Variants in TBC1D4 observed in about 807,000 individuals in gnomAD.
TBC1D4 encodes the protein TBC (Tre-2, BUB2, CDC16) domain-containing protein.
Under a neutral mutation model 142.5 loss-of-function variants are expected in TBC1D4, and 121 were observed. The ratio of observed to expected loss-of-function variants is 0.85; its 90% CI spans 0.73 to 0.99. The LOEUF (loss-of-function observed/expected upper bound fraction) is 0.99, where lower values mean the gene tolerates loss of function less well. Among genes scored for constraint, TBC1D4 ranks in the 50% least tolerant of loss-of-function variants. The pLI is 0.00. For synonymous variants in TBC1D4, 630 were observed against 628.2 expected (o/e 1.00, Z -0.04); for missense variants, 1,475 against 1,606.6 (o/e 0.92, Z 1.40).
chr13:75,481,638 A>G lies in TBC1D4; in HGVS notation c.130T>C (p.Ser44Pro). ...KRFRLWYVGGSCLDHRTTLPM... is the reference protein window; with the variant it reads ...KRFRLWYVGGPCLDHRTTLPM... The stretch of plus-strand genomic sequence containing the variant: ...AGCGTGGTCCTGTGGTCCAGGCACG[A>G]CCCCCCAACGTACCACAGCCGGAAC... Residue 44 changes from serine (S) to proline (P), a missense_variant, in exon 1 of 21, where the codon TCG becomes CCG. Transcript: ENST00000377636. 6.3e-7 allele frequency: 1 copy of G among 1,591,796 alleles called. No homozygotes were observed. Among genetic ancestry groups the G allele is most frequent in the Non-Finnish European group, 8.6e-7 (1 of 1,169,440 alleles).
chr13:75,360,152 C>T (rs945858941), intron 2 of TBC1D4, among the ~76,000 whole-genome samples: 2 of 152,074 alleles, frequency 1.3e-5, no homozygotes, highest in African/African-American at 2.4e-5. Flanking sequence ...AATATGCAAA[C>T]TTTCCTCACT....
At chr13:75,470,728 G>A (rs1163167579) in intron 1 of TBC1D4, among the ~76,000 whole-genome samples, 3 of 152,204 alleles carry the variant, frequency 2.0e-5, no homozygotes, top group South Asian at 4.1e-4. Context: ...ATGGTGGCCT[G>A]TAATCCCAGC....
intron 1 of TBC1D4, among the ~76,000 whole-genome samples, chr13:75,383,816 A>G (rs1884006852): frequency 6.6e-6 from 1 of 152,162 alleles, no homozygotes; most frequent in Admixed American, 6.5e-5. Flanking sequence ...TACTGTATAT[A>G]ACTGGTCTTC....
At chr13:75,451,873 A>C (rs971100254) in intron 1 of TBC1D4, among the ~76,000 whole-genome samples, 14 of 151,816 alleles carry the variant, frequency 9.2e-5, no homozygotes, top group African/African-American at 3.4e-4. Context: ...AAAAACTGAT[A>C]ATTGTTTTGA....
chr13:75,299,893 C>T (rs1440485935), intron 16 of TBC1D4, among the ~76,000 whole-genome samples: 1 of 147,336 alleles, frequency 6.8e-6, no homozygotes, highest in East Asian at 2.0e-4. Flanking sequence ...GGAGAAATAC[C>T]AGGAAAATGG....
intron 4 of TBC1D4, among the ~76,000 whole-genome samples, chr13:75,354,903 T>C (rs1291825560): frequency 6.6e-6 from 1 of 152,162 alleles, no homozygotes; most frequent in South Asian, 2.1e-4. Flanking sequence ...ATGCAACCCA[T>C]TTAGCAACAG....
intron 1 of TBC1D4, among the ~76,000 whole-genome samples, chr13:75,395,356 G>C (rs546975975): frequency 2.0e-5 from 3 of 152,166 alleles, no homozygotes; most frequent in Non-Finnish European, 4.4e-5. Context: ...CCCTTTTCGC[G>C]AATGTTTTTT....
chr13:75,409,693 T>C (rs78760613), intron 1 of TBC1D4, among the ~76,000 whole-genome samples: 3,373 of 152,338 alleles, frequency 0.022, 54 homozygotes, highest in Middle Eastern at 0.031. Context: ...CAAATCTCTT[T>C]AATGAATTTA....
intron 1 of TBC1D4, among the ~76,000 whole-genome samples, chr13:75,468,662 A>G (rs1440556394): frequency 6.6e-6 from 1 of 152,240 alleles, no homozygotes; most frequent in Non-Finnish European, 1.5e-5. Context: ...AACAAAAAAT[A>G]TCGTGCAAAC....
At chr13:75,385,895 CA>C (rs888909121) in intron 1 of TBC1D4, among the ~76,000 whole-genome samples, 1 of 152,120 alleles carries the variant, frequency 6.6e-6, no homozygotes, top group East Asian at 1.9e-4. Context: ...ATGATAACAT[CA>C]AAGACTATGA....
rs766234931 is a variant in TBC1D4 at position 75,349,333 on chromosome 13, A to G, written c.1276-31T>C. Reference sequence around the variant, plus strand: ...GGAAGAAACAAAACTCAGGTCTATAAAAGTTGGCTTACATGGCAACATTCA... The same window carrying G: ...GGAAGAAACAAAACTCAGGTCTATAGAAGTTGGCTTACATGGCAACATTCA... On this transcript the variant is annotated intron_variant, in intron 4 of 20. Coordinates refer to ENST00000377636, the MANE Select transcript of TBC1D4 (RefSeq NM_014832.5). 3.1e-6 allele frequency: 5 copies of G among 1,612,800 alleles called. No individual in the cohort carries two copies. The East Asian group carries it at 1.1e-4, about 36-fold the overall frequency.
rs1440786499 is a variant in TBC1D4 at position 75,428,138 on chromosome 13, G to A, written c.498+53132C>T. On this transcript the variant is annotated intron_variant, in intron 1 of 20. Coordinates refer to ENST00000377636, the MANE Select transcript of TBC1D4 (RefSeq NM_014832.5). ...ACAAAATTCAGCCTTCATTAAGGGG[G>A]TGCTTCAGTACTGTTGGGTTTGTTT... is the stretch of plus-strand genomic sequence containing the variant. Among the ~76,000 whole-genome samples, 4 of 152,082 alleles carry A rather than the reference G, an allele frequency of 2.6e-5. No homozygotes were observed. The East Asian group carries it at 7.7e-4, about 29-fold the overall frequency.
chr13:75,427,411 T>C (rs1044743157), intron 1 of TBC1D4, among the ~76,000 whole-genome samples: 20 of 152,210 alleles, frequency 1.3e-4, no homozygotes, highest in Non-Finnish European at 2.9e-4. Context: ...TGCAGTGGCT[T>C]ATGCCTGTAA....
At chr13:75,334,740 C>A in intron 8 of TBC1D4, among the ~76,000 whole-genome samples, 1 of 151,698 alleles carries the variant, frequency 6.6e-6, no homozygotes. Context: ...CGCAACACCA[C>A]ACCCGGCTCA....
intron 11 of TBC1D4, among the ~76,000 whole-genome samples, chr13:75,321,380 C>T (rs999401928): frequency 4.6e-5 from 7 of 151,830 alleles, no homozygotes; most frequent in African/African-American, 1.5e-4. Flanking sequence ...TAAACGGACA[C>T]GATGCATGCA....
intron 1 of TBC1D4, among the ~76,000 whole-genome samples, chr13:75,457,626 T>G (rs1370557094): frequency 6.6e-6 from 1 of 152,218 alleles, no homozygotes; most frequent in East Asian, 1.9e-4. Context: ...ATCCTTGACC[T>G]ACAAGAAGGA....
At chr13:75,337,870 G>T (rs968210532) in intron 7 of TBC1D4, among the ~76,000 whole-genome samples, 1 of 152,176 alleles carries the variant, frequency 6.6e-6, no homozygotes, top group African/African-American at 2.4e-5. Context: ...GGGAGAGAAA[G>T]TCAGGGCATG....
chr13:75,320,063 G>T (rs557628054), intron 11 of TBC1D4, 26 bp from the exon 12 acceptor site: 1 of 1,612,502 alleles, frequency 6.2e-7, no homozygotes, highest in African/African-American at 1.3e-5. Flanking sequence ...AACAAGGAAT[G>T]GAATTAGCAC....
intron 12 of TBC1D4, among the ~76,000 whole-genome samples, chr13:75,315,870 G>A (rs1322876867): frequency 1.3e-5 from 2 of 152,024 alleles, no homozygotes; most frequent in Non-Finnish European, 2.9e-5. Context: ...GGCACTGGTA[G>A]GTATTGACCA....
Sources: gnomAD v4.1 joint callset for allele counts (sites outside exome capture counted in the v4.1 genomes callset) on GRCh38, gnomAD v4.1.1 for gene constraint, MANE v1.5 for transcripts, NCBI Gene and HGNC (gene_info 2026-07-23, HGNC 2026-07-21) for gene names.